SLIT3: variants seen among roughly 807,000 people sequenced by gnomAD.
The protein encoded by SLIT3 is slit homolog 3 protein.
SLIT3 carries 68 observed loss-of-function variants against 184.0 expected under a neutral mutation model. That is an observed-to-expected ratio of 0.37 (90% CI 0.30 to 0.45). The LOEUF (loss-of-function observed/expected upper bound fraction) is 0.45, where lower values mean the gene tolerates loss of function less well. Ranked by LOEUF, SLIT3 falls within the 20% of genes least tolerant of loss-of-function variation. The pLI is 1.00. For synonymous variants in SLIT3, 831 were observed against 828.6 expected (o/e 1.00, Z -0.05); for missense variants, 1,707 against 2,026.0 (o/e 0.84, Z 3.02).
At chr5:169,048,159 C>A (rs934897337) in intron 4 of SLIT3, among the ~76,000 whole-genome samples, 1 of 152,172 alleles carries the variant, frequency 6.6e-6, no homozygotes, top group Admixed American at 6.5e-5. Context: ...AAAGCACAGG[C>A]TTAGCAGCAG....
Position 169,003,312 on chromosome 5 carries a change from G to C in SLIT3, c.414-119976C>G, listed in dbSNP as rs184358903. Among the ~76,000 whole-genome samples the C allele has an allele frequency of 2.0e-5, 3 of 152,296 alleles. No homozygotes were observed. The East Asian group carries it at 5.8e-4, about 29-fold the overall frequency. On this transcript the variant is annotated intron_variant, in intron 4 of 35. Transcript: ENST00000519560. ...TGGGCCCTAGCTTCTGGGCAGACCA[G>C]GGCACTCAGTACATCTTCCCAAAGC...
Position 169,124,543 on chromosome 5 carries a change from A to T in SLIT3, c.413+68936T>A, listed in dbSNP as rs569653648. Among the ~76,000 whole-genome samples, 4 of 152,294 alleles carry T rather than the reference A, an allele frequency of 2.6e-5. No individual in the cohort carries two copies. In the South Asian group the frequency reaches 8.3e-4, roughly 32 times the overall value. On this transcript the variant is annotated intron_variant, in intron 4 of 35. Coordinates refer to ENST00000519560, the MANE Select transcript of SLIT3 (RefSeq NM_003062.4). ...CCCCTTCTAAACTAGGTGCTGGTGC[A>T]GTGCTCTACACAGCAACTCTAGAGA...
intron 14 of SLIT3, among the ~76,000 whole-genome samples, chr5:168,770,367 A>G (rs893119992): frequency 2.0e-5 from 3 of 152,172 alleles, no homozygotes; most frequent in African/African-American, 7.2e-5. Flanking sequence ...CTTTTAGGAA[A>G]AAGTAAAACG....
chr5:169,275,489 G>T (rs1766771303), intron 1 of SLIT3, among the ~76,000 whole-genome samples: 1 of 152,118 alleles, frequency 6.6e-6, no homozygotes, highest in Non-Finnish European at 1.5e-5. Context: ...CATTGGAAAA[G>T]GATTGTATTA....
intron 4 of SLIT3, among the ~76,000 whole-genome samples, chr5:169,128,787 AT>A (rs1761177447): frequency 6.6e-6 from 1 of 152,114 alleles, no homozygotes; most frequent in Admixed American, 6.5e-5. Flanking sequence ...TGATCCCTTC[AT>A]GTTGCCAGCC....
chr5:168,966,716 G>C (rs1335576129), intron 4 of SLIT3, among the ~76,000 whole-genome samples: 2 of 152,176 alleles, frequency 1.3e-5, no homozygotes, highest in African/African-American at 4.8e-5. Context: ...TGTCTGGAGA[G>C]TTGCAAGAGA....
intron 8 of SLIT3, among the ~76,000 whole-genome samples, chr5:168,813,438 C>T (rs1409052753): frequency 6.6e-6 from 1 of 152,148 alleles, no homozygotes; most frequent in East Asian, 1.9e-4. Flanking sequence ...ACACTTCCAG[C>T]CGTAGGGCCT....
intron 1 of SLIT3, among the ~76,000 whole-genome samples, chr5:169,285,045 G>A (rs1250059513): frequency 2.0e-5 from 3 of 152,012 alleles, no homozygotes; most frequent in African/African-American, 7.2e-5. Context: ...TGAGTAGCTA[G>A]CACCACAGTT....
At chr5:168,890,137 T>TAA (rs56267999) in intron 4 of SLIT3, among the ~76,000 whole-genome samples, 3,920 of 98,548 alleles carry the variant, frequency 0.04, 274 homozygotes, top group African/African-American at 0.14. Context: ...AGACTCCATC[T>TAA]AAAAAAAAAA....
chr5:169,207,364 CAT>C (rs1310647879), intron 3 of SLIT3, among the ~76,000 whole-genome samples: 6 of 117,610 alleles, frequency 5.1e-5, no homozygotes, highest in African/African-American at 1.8e-4. Flanking sequence ...TTTACATACA[CAT>C]ACATACACAC....
intron 3 of SLIT3, 82 bp from the exon 4 acceptor site, chr5:169,193,632 G>T: frequency 9.7e-7 from 1 of 1,033,534 alleles, no homozygotes; most frequent in Non-Finnish European, 1.5e-6. Context: ...TAATCAATCA[G>T]TCAATCAATC....
chr5:169,022,231 A>T (rs1756625861), intron 4 of SLIT3: 2 of 152,256 alleles, frequency 1.3e-5, no homozygotes, highest in Non-Finnish European at 2.9e-5. Context: ...GCAAGGCAGT[A>T]AGTAAAAGGA....
intron 4 of SLIT3, among the ~76,000 whole-genome samples, chr5:169,170,062 A>G (rs1179491884): frequency 6.6e-6 from 1 of 152,130 alleles, no homozygotes; most frequent in Non-Finnish European, 1.5e-5. Flanking sequence ...GAACCTCCAG[A>G]CCCTTCCTGA....
chr5:169,122,345 C>G (rs116015351), intron 4 of SLIT3, among the ~76,000 whole-genome samples: 2 of 152,138 alleles, frequency 1.3e-5, no homozygotes, highest in Non-Finnish European at 2.9e-5. Flanking sequence ...TAAAACAAGG[C>G]CATCCAAGTC....
At chr5:169,033,407 A>G (rs1757113751) in intron 4 of SLIT3, among the ~76,000 whole-genome samples, 1 of 152,210 alleles carries the variant, frequency 6.6e-6, no homozygotes, top group Admixed American at 6.5e-5. Flanking sequence ...GAACACAGGC[A>G]TGCAGGTCTC....
At chr5:169,220,913 T>C (rs569796092) in intron 3 of SLIT3, among the ~76,000 whole-genome samples, 1 of 152,336 alleles carries the variant, frequency 6.6e-6, no homozygotes, top group Admixed American at 6.5e-5. Context: ...TTCTCCCTTC[T>C]GTACCAGCCC....
intron 10 of SLIT3, among the ~76,000 whole-genome samples, chr5:168,794,519 A>G (rs748460359): frequency 1.3e-5 from 2 of 152,158 alleles, no homozygotes; most frequent in Admixed American, 6.5e-5. Flanking sequence ...GGTGCCGTCC[A>G]GGCTGCTGTG....
intron 5 of SLIT3, among the ~76,000 whole-genome samples, chr5:168,849,974 G>T (rs968310285): frequency 1.3e-5 from 2 of 151,578 alleles, no homozygotes; most frequent in Non-Finnish European, 2.9e-5. Context: ...GCTTTTGAAG[G>T]TTGTTTTTTT....
intron 4 of SLIT3, among the ~76,000 whole-genome samples, chr5:169,051,112 T>C (rs1757799436): frequency 6.6e-6 from 1 of 152,208 alleles, no homozygotes; most frequent in Admixed American, 6.5e-5. Flanking sequence ...CTAAACTTGT[T>C]GTCAGAAGCA....
Sources: gnomAD v4.1 joint callset for allele counts (sites outside exome capture counted in the v4.1 genomes callset) on GRCh38, gnomAD v4.1.1 for gene constraint, MANE v1.5 for transcripts, NCBI Gene and HGNC (gene_info 2026-07-23, HGNC 2026-07-21) for gene names.